The following RYR1 variants were observed in gnomAD, a reference collection of about 807,000 sequenced individuals.
RYR1 encodes central core disease of muscle.
RYR1 carries 342 observed loss-of-function variants against 583.5 expected under a neutral mutation model. The ratio of observed to expected loss-of-function variants is 0.59; its 90% CI spans 0.54 to 0.64. RYR1 has a LOEUF of 0.64. Among genes scored for constraint, RYR1 ranks in the 30% least tolerant of loss-of-function variants. The pLI is 0.00. For missense variants in RYR1, 6,032 were observed against 6,917.2 expected (o/e 0.87, Z 4.54); for synonymous variants, 2,791 against 2,822.5 (o/e 0.99, Z 0.35).
At chr19:38,536,428 C>T (rs1168110708) in intron 82 of RYR1, among the ~76,000 whole-genome samples, 2 of 151,632 alleles carry the variant, frequency 1.3e-5, no homozygotes, top group African/African-American at 2.4e-5. Flanking sequence ...CTCCTCTTTG[C>T]CGTGTTGTGA....
In RYR1 at chr19:38,458,052, A is replaced by T. The variant is rs767392306; in HGVS notation, c.1927A>T (p.Ile643Phe). 10 of 1,613,322 alleles carry T rather than the reference A, an allele frequency of 6.2e-6. No individual in the cohort carries two copies. Among genetic ancestry groups the T allele is most frequent in the Non-Finnish European group, 7.6e-6 (9 of 1,179,976 alleles). Residue 643 changes from isoleucine (I) to phenylalanine (F), a missense_variant and splice_region_variant, in exon 18 of 106, where the codon ATC becomes TTC. This residue lies in a region of RYR1 where 2,627 missense variants were observed against 2,961.3 expected (regional missense o/e 0.89). Transcript: ENST00000359596. ...TCTCCTGTCCCATCTCTCCTGCAGC[A>T]TCCGCCCCAACATCTTTGTGGGCCG... ...QTNLINYVTSIRPNIFVGRAE... is the reference protein window; with the variant it reads ...QTNLINYVTSFRPNIFVGRAE...
At chr19:38,469,704 C>G (rs1295363424) in intron 27 of RYR1, among the ~76,000 whole-genome samples, 191 bp downstream of exon 27, 1 of 152,050 alleles carries the variant, frequency 6.6e-6, no homozygotes, top group Non-Finnish European at 1.5e-5. Flanking sequence ...TCCTGAGGTC[C>G]AGGTGCCTCA....
intron 47 of RYR1, among the ~76,000 whole-genome samples, chr19:38,502,138 CAG>C (rs757625795): frequency 1.3e-5 from 2 of 152,172 alleles, no homozygotes; most frequent in Non-Finnish European, 2.9e-5. Context: ...GCCTGGGCGA[CAG>C]AGACCCCTGT....
chr19:38,435,544 C>T (rs1972388511), intron 1 of RYR1, among the ~76,000 whole-genome samples: 1 of 152,108 alleles, frequency 6.6e-6, no homozygotes, highest in Non-Finnish European at 1.5e-5. Context: ...CCAGCCTGGC[C>T]AACATGGTGA....
At chr19:38,508,500 C>T (rs914750472) in intron 58 of RYR1, among the ~76,000 whole-genome samples, 4 of 152,178 alleles carry the variant, frequency 2.6e-5, no homozygotes, top group Non-Finnish European at 5.9e-5. Flanking sequence ...CGTGAGCCAC[C>T]GCACCCGGCT....
Position 38,561,022 on chromosome 19 carries a change from C to T in RYR1, c.12283-91C>T. Reference sequence around the variant, plus strand: ...CGCCACTGCACTCCAGCCTGGGCGACACAGCGAGACCTTGTCTTAAAAAAA... The same window carrying T: ...CGCCACTGCACTCCAGCCTGGGCGATACAGCGAGACCTTGTCTTAAAAAAA... On this transcript the variant is annotated intron_variant, in intron 89 of 105. Transcript: ENST00000359596. The surrounding 1 kb of genome is among the most constrained non-coding windows in gnomAD (Gnocchi z 4.8). 3 of 1,226,660 alleles carry T rather than the reference C, an allele frequency of 2.4e-6. No homozygotes were observed. Among genetic ancestry groups the T allele is most frequent in the East Asian group, 2.5e-5 (1 of 40,106 alleles). 76.0% of individuals were successfully genotyped at this position (1,226,660 alleles called of 1,614,324 possible).
rs376927932 is a variant in RYR1, at chr19:38,502,858, C to T, written c.7836-22C>T. The T allele has an allele frequency of 9.0e-5, 145 of 1,607,138 alleles. 1 individual carries two copies. The Admixed American group carries it at 1.0e-3, about 11-fold the overall frequency. On this transcript the variant is annotated intron_variant, in intron 48 of 105. Transcript: ENST00000359596. ...GAGCGGGCCTGGACGGGGGATTCTA[C>T]ATCTTGTGCATTGTCCCGCAGGTAC...
chr19:38,436,012 G>A (rs1024728887), intron 1 of RYR1, among the ~76,000 whole-genome samples: 3 of 151,486 alleles, frequency 2.0e-5, no homozygotes, highest in Non-Finnish European at 2.9e-5. Flanking sequence ...GGGTTCAAGC[G>A]ATTCTTCTGC....
intron 58 of RYR1, among the ~76,000 whole-genome samples, chr19:38,509,070 G>A (rs1240443034): frequency 1.3e-5 from 2 of 149,282 alleles, no homozygotes; most frequent in Non-Finnish European, 3.0e-5. Context: ...CATTCCCCTT[G>A]AGAGCTACCC....
chr19:38,480,916 C>T (rs58273547), intron 31 of RYR1, among the ~76,000 whole-genome samples: 8,629 of 151,836 alleles, frequency 0.057, 531 homozygotes, highest in African/African-American at 0.15. Flanking sequence ...TTAGTAGAGA[C>T]GGGGTCTGGC....
chr19:38,517,489 C>A lies in RYR1; in HGVS notation c.9816C>A (p.Ile3272=). Residue 3272 remains isoleucine (I), a synonymous_variant, in exon 66 of 106, where the codon ATC becomes ATA. Transcript: ENST00000359596. ...CAGAGATGCCGCATGTCATCGAGATCACGCTGCCCATGCTATGCAGCTACC... is the reference window on the plus strand; with the variant it reads ...CAGAGATGCCGCATGTCATCGAGATAACGCTGCCCATGCTATGCAGCTACC... ...RYTEMPHVIE[I]TLPMLCSYLP... is the part of the protein sequence containing the mutation. 2.5e-6 allele frequency: 4 copies of A among 1,614,138 alleles called. No homozygotes were observed. The highest frequency in any genetic ancestry group is 3.4e-6 in the Non-Finnish European group (4 of 1,180,012).
At position 38,463,800 on chromosome 19, in the gene RYR1, T is replaced by A; in HGVS notation, c.2736T>A (p.Leu912=). 1 of 1,613,842 alleles carries A rather than the reference T, an allele frequency of 6.2e-7. No individual in the cohort carries two copies. The highest frequency in any genetic ancestry group is 8.5e-7 in the Non-Finnish European group (1 of 1,179,964). Residue 912 remains leucine (L), a synonymous_variant, in exon 22 of 106, where the codon CTT becomes CTA. Transcript: ENST00000359596. Reference sequence around the variant, plus strand: ...CGTGTCTTGTGGACTTCCACAGCCTTCCAGAGCCTGAGAGGAACTACAACC... The same window carrying A: ...CGTGTCTTGTGGACTTCCACAGCCTACCAGAGCCTGAGAGGAACTACAACC... ...LHPCLVDFHS[L]PEPERNYNLQ...
chr19:38,485,754 C>G lies in RYR1; in HGVS notation c.5099C>G (p.Ala1700Gly), dbSNP rs757262970. The G allele has an allele frequency of 1.9e-6, 3 of 1,612,900 alleles. No homozygotes were observed. The highest frequency in any genetic ancestry group is 2.5e-6 in the Non-Finnish European group (3 of 1,179,952). ...CAGCTGCTGCACGCCCTGGAGGACGCGCACCTGCCAGGCCCACTGCGCGCA... is the reference window on the plus strand; with the variant it reads ...CAGCTGCTGCACGCCCTGGAGGACGGGCACCTGCCAGGCCCACTGCGCGCA... The part of the protein sequence containing the change: ...QAQLLHALED[A>G]HLPGPLRAGY... Residue 1700 changes from alanine (A) to glycine (G), a missense_variant, in exon 34 of 106, where the codon GCG (alanine) becomes GGG (glycine). Around this residue, in one of 11 missense-constraint regions of RYR1, gnomAD observed 2,627 missense variants for 2,961.3 expected, o/e 0.89. Coordinates refer to ENST00000359596, the MANE Select transcript of RYR1 (RefSeq NM_000540.3).
chr19:38,568,902 G>A (rs936654704), intron 93 of RYR1, among the ~76,000 whole-genome samples: 6 of 152,234 alleles, frequency 3.9e-5, no homozygotes, highest in Admixed American at 1.3e-4. Flanking sequence ...GTGCGAGGGG[G>A]CTCATGCCTG....
At chr19:38,457,357 A>C in intron 16 of RYR1, 140 bp from the exon 17 acceptor site, 1 of 1,197,802 alleles carries the variant, frequency 8.3e-7, no homozygotes, top group South Asian at 1.2e-5. Context: ...TTCCACTTTC[A>C]CCACCTCCTC....
chr19:38,504,627 C>A, intron 50 of RYR1, 121 bp from the exon 51 acceptor site: 1 of 1,357,298 alleles, frequency 7.4e-7, no homozygotes, highest in Non-Finnish European at 1.0e-6. Flanking sequence ...AGGAGAGGGA[C>A]CATAATTCAG....
At chr19:38,535,526 A>G in intron 81 of RYR1, 134 bp downstream of exon 81, 1 of 758,710 alleles carries the variant, frequency 1.3e-6, no homozygotes, top group South Asian at 1.4e-5. Context: ...CTCAAATAAC[A>G]GGGAATTTAT....
chr19:38,585,247 T>TC, intron 102 of RYR1, 148 bp downstream of exon 102: 1 of 924,272 alleles, frequency 1.1e-6, no homozygotes, highest in Non-Finnish European at 1.7e-6. Context: ...TCTCGGGGCC[T>TC]CCGTTTCTCC....
intron 35 of RYR1, among the ~76,000 whole-genome samples, chr19:38,489,683 C>T (rs1969464696): frequency 6.6e-6 from 1 of 152,220 alleles, no homozygotes; most frequent in South Asian, 2.1e-4. Flanking sequence ...GGCTGGAATA[C>T]AGTGGTGCGA....
Sources: gnomAD v4.1 joint callset for allele counts (sites outside exome capture counted in the v4.1 genomes callset) on GRCh38, gnomAD v4.1.1 for gene constraint, gnomAD v4.1.1 regional missense constraint, Gnocchi (gnomAD v3.1) non-coding constraint, MANE v1.5 for transcripts, NCBI Gene and HGNC (gene_info 2026-07-23, HGNC 2026-07-21) for gene names.